Variants in CSMD1 observed in about 807,000 individuals in gnomAD.
CSMD1 encodes the protein CUB and sushi domain-containing protein 1.
In CSMD1, 213 loss-of-function variants were observed where a neutral mutation model predicts 417.5. That is an observed-to-expected ratio of 0.51 (90% CI 0.46 to 0.57). The LOEUF is 0.57. Ranked by LOEUF, CSMD1 falls within the 20% of genes least tolerant of loss-of-function variation. CSMD1 has a pLI of 0.00. For missense variants in CSMD1, 6,923 were observed against 4,529.7 expected, an observed-to-expected ratio of 1.53 and a Z score of -15.17; for synonymous variants, 2,862 against 1,736.8, an observed-to-expected ratio of 1.65 and a Z score of -16.11.
intron 3 of CSMD1, among the ~76,000 whole-genome samples, chr8:4,237,564 T>G (rs536698393): frequency 7.2e-5 from 11 of 152,054 alleles, no homozygotes; most frequent in Non-Finnish European, 1.3e-4. Context: ...AGTTGGAGTC[T>G]TGCTCTGTCA....
At chr8:3,309,476 T>C (rs190157353) in intron 23 of CSMD1, among the ~76,000 whole-genome samples, 4 of 152,244 alleles carry the variant, frequency 2.6e-5, no homozygotes, top group East Asian at 1.9e-4. Flanking sequence ...CTCAAAGAAA[T>C]AGATGACAGA....
At chr8:3,552,960 T>C (rs940979347) in intron 10 of CSMD1, among the ~76,000 whole-genome samples, 1 of 152,190 alleles carries the variant, frequency 6.6e-6, no homozygotes, top group Admixed American at 6.5e-5. Context: ...AGAAGATTTA[T>C]ATTTCAGAAA....
intron 3 of CSMD1, among the ~76,000 whole-genome samples, chr8:4,099,302 G>A (rs1450725235): frequency 6.6e-6 from 1 of 151,768 alleles, no homozygotes; most frequent in Non-Finnish European, 1.5e-5. Flanking sequence ...TATCTCTACT[G>A]AATTACATGA....
At chr8:3,556,286 C>T (rs113058194) in intron 10 of CSMD1, among the ~76,000 whole-genome samples, 4,573 of 150,612 alleles carry the variant, frequency 0.03, 260 homozygotes, top group African/African-American at 0.11. Context: ...CCTACAACCC[C>T]CACTACCCTT....
At chr8:3,886,513 T>G (rs964399620) in intron 5 of CSMD1, among the ~76,000 whole-genome samples, 1 of 152,250 alleles carries the variant, frequency 6.6e-6, no homozygotes, top group Non-Finnish European at 1.5e-5. Context: ...CCAGCAGTGC[T>G]GCTGAAGTTT....
chr8:3,194,582 CAAG>C (rs1796599627), intron 33 of CSMD1, among the ~76,000 whole-genome samples: 1 of 151,572 alleles, frequency 6.6e-6, no homozygotes. Context: ...CTCAGCCTCT[CAAG>C]AAGCTGAGAC....
At chr8:4,755,868 C>A (rs1017918704) in intron 1 of CSMD1, among the ~76,000 whole-genome samples, 1 of 152,280 alleles carries the variant, frequency 6.6e-6, no homozygotes, top group Non-Finnish European at 1.5e-5. Flanking sequence ...CCTGGTCCAA[C>A]GTGAGAAACT....
chr8:4,114,297 G>A (rs1199436410), intron 3 of CSMD1, among the ~76,000 whole-genome samples: 1 of 152,148 alleles, frequency 6.6e-6, no homozygotes, highest in East Asian at 1.9e-4. Context: ...TGCTGTCTAA[G>A]TGGAAAAATA....
intron 5 of CSMD1, among the ~76,000 whole-genome samples, chr8:3,830,966 C>G (rs141706265): frequency 6.6e-6 from 1 of 152,068 alleles, no homozygotes; most frequent in Non-Finnish European, 1.5e-5. Flanking sequence ...TCACCTAGGA[C>G]GATTAACACA....
intron 5 of CSMD1, among the ~76,000 whole-genome samples, chr8:3,959,121 G>T (rs549495839): frequency 4.6e-5 from 7 of 152,060 alleles, no homozygotes; most frequent in Non-Finnish European, 8.8e-5. Context: ...CTTTTATATC[G>T]CACACCAGTC....
intron 7 of CSMD1, among the ~76,000 whole-genome samples, chr8:3,692,136 C>G (rs1800282159): frequency 6.6e-6 from 1 of 152,178 alleles, no homozygotes; most frequent in Admixed American, 6.5e-5. Flanking sequence ...ATCCGGGTCT[C>G]CTATCCCAGC....
rs1563183108 is a variant in CSMD1 at position 4,446,721 on chromosome 8, GTGTGTGTGTGTC to G, written c.303-26668_303-26657del. On this transcript the variant is annotated intron_variant, in intron 2 of 69. Transcript: ENST00000635120. Reference sequence around the variant, plus strand: ...GTGCCCACCACCATGCCTGAGTTGTGTGTGTGTGTGTCTGTGTGTGTGTGTGTGTGTGTCTGT... The same window carrying G: ...GTGCCCACCACCATGCCTGAGTTGTGTGTGTGTGTGTGTGTGTGTGTCTGT... 6.2e-5 allele frequency among the ~76,000 whole-genome samples: 9 copies of G among 145,502 alleles called. No homozygotes were observed. In the Admixed American group the frequency reaches 6.3e-4, roughly 10 times the overall value.
intron 3 of CSMD1, among the ~76,000 whole-genome samples, chr8:4,052,477 T>C (rs935990261): frequency 6.6e-6 from 1 of 152,180 alleles, no homozygotes; most frequent in Non-Finnish European, 1.5e-5. Context: ...GGATAATCTT[T>C]ACCCAGGGTC....
At chr8:3,084,852 G>C (rs1814407623) in intron 49 of CSMD1, among the ~76,000 whole-genome samples, 1 of 151,664 alleles carries the variant, frequency 6.6e-6, no homozygotes, top group Non-Finnish European at 1.5e-5. Flanking sequence ...TGATTTAATT[G>C]TACCACACAA....
chr8:3,596,027 G>A (rs894799572), intron 8 of CSMD1, among the ~76,000 whole-genome samples: 3 of 150,870 alleles, frequency 2.0e-5, no homozygotes, highest in Admixed American at 1.3e-4. Context: ...TTTGAGGAGA[G>A]CAACGTCAGT....
At chr8:4,037,894 C>A (rs988518288) in intron 3 of CSMD1, among the ~76,000 whole-genome samples, 1 of 151,986 alleles carries the variant, frequency 6.6e-6, no homozygotes, top group Non-Finnish European at 1.5e-5. Context: ...CTGAAATTCA[C>A]GTAGCTCATA....
intron 33 of CSMD1, among the ~76,000 whole-genome samples, chr8:3,199,181 T>G (rs1048325227): frequency 2.0e-5 from 3 of 152,172 alleles, no homozygotes; most frequent in African/African-American, 7.2e-5. Context: ...AGTATAAAGG[T>G]GTAAAAGTAC....
At chr8:4,810,578 G>A (rs1308102283) in intron 1 of CSMD1, among the ~76,000 whole-genome samples, 1 of 152,154 alleles carries the variant, frequency 6.6e-6, no homozygotes, top group Non-Finnish European at 1.5e-5. Context: ...GGGGGTGGTG[G>A]CTGTGTGTCT....
chr8:3,125,472 G>A (rs17079474), intron 41 of CSMD1, among the ~76,000 whole-genome samples: 18,848 of 152,180 alleles, frequency 0.12, 1,875 homozygotes, highest in African/African-American at 0.28. Flanking sequence ...GTCATCAAGT[G>A]AGAGAAAAAG....
Sources: allele counts gnomAD v4.1 joint callset (sites outside exome capture counted in the v4.1 genomes callset), GRCh38; gene constraint gnomAD v4.1.1; transcripts MANE v1.5; gene names NCBI Gene and HGNC (gene_info 2026-07-23, HGNC 2026-07-21).